The following COL2A1 variants were observed in gnomAD, a reference collection of about 807,000 sequenced individuals.
The protein encoded by COL2A1 is collagen alpha-1(II) chain.
A neutral mutation model predicts 204.5 loss-of-function variants in COL2A1; 28 were observed. That is an observed-to-expected ratio of 0.14 (90% CI 0.10 to 0.19). The LOEUF (loss-of-function observed/expected upper bound fraction) is 0.19, where lower values mean the gene tolerates loss of function less well. Ranked by LOEUF, COL2A1 falls within the 10% of genes least tolerant of loss-of-function variation. COL2A1 has a pLI of 1.00. For synonymous variants in COL2A1, 708 were observed against 718.7 expected (o/e 0.99, Z 0.24); for missense variants, 1,388 against 2,027.5 (o/e 0.68, Z 6.06).
chr12:47,998,390 A>C, intron 3 of COL2A1, 25 bp downstream of exon 3: 1 of 1,588,500 alleles, frequency 6.3e-7, no homozygotes, highest in Non-Finnish European at 8.6e-7. Flanking sequence ...AAAATATGAA[A>C]AAAGAAAAAG....
At position 47,995,284 on chromosome 12, in the gene COL2A1, G is replaced by A. The variant is rs1333696091; in HGVS notation, c.733C>T (p.Pro245Ser). 6.2e-7 allele frequency: 1 copy of A among 1,613,766 alleles called. No homozygotes were observed. ...TCACCAGGCTTTCCAGGGGGACCAG[G>A]AGGACCACGGGGACCCATGGGACCC... ...VSGPMGPRGP[P>S]GPPGKPGDDG... The change falls in exon 11 of 54, where the codon CCT (proline) becomes TCT (serine). Residue 245 changes from proline (P) to serine (S), a missense_variant. By Grantham distance (74) the Pro-to-Ser change is moderately conservative. Coordinates refer to ENST00000380518, the MANE Select transcript of COL2A1 (RefSeq NM_001844.5).
intron 27 of COL2A1, 68 bp from the exon 28 acceptor site, chr12:47,984,667 G>T (rs1174286996): frequency 9.0e-6 from 13 of 1,451,976 alleles, no homozygotes; most frequent in African/African-American, 1.4e-5. Flanking sequence ...AGAGCGGGCT[G>T]CAGGGACTGA....
chr12:47,974,955 G>GC, intron 51 of COL2A1, 93 bp from the exon 52 acceptor site: 1 of 1,316,084 alleles, frequency 7.6e-7, no homozygotes, highest in African/African-American at 1.5e-5. Flanking sequence ...AGACAGAGAG[G>GC]CCTACAGGGA....
chr12:47,986,123 C>A (rs1167068902), intron 23 of COL2A1, among the ~76,000 whole-genome samples, 158 bp from the exon 24 acceptor site: 3 of 150,348 alleles, frequency 2.0e-5, no homozygotes, highest in Non-Finnish European at 4.4e-5. Context: ...GCCTGCCCCG[C>A]TTCCTGGGAA....
upstream of COL2A1, chr12:48,004,484 C>T: frequency 1.8e-6 from 1 of 545,352 alleles, no homozygotes; most frequent in South Asian, 2.3e-5. Flanking sequence ...TGCGTCTTCT[C>T]CCCGCCGCGG....
In COL2A1 at chr12:47,973,363, C is replaced by CCTT. The variant is rs773726072; in HGVS notation, c.*41_*43dup. 21 of 1,613,630 alleles carry CCTT rather than the reference C, an allele frequency of 1.3e-5. No individual in the cohort carries two copies. Among genetic ancestry groups the CCTT allele is most frequent in the Non-Finnish European group, 1.8e-5 (21 of 1,179,736 alleles). On this transcript the variant is annotated 3_prime_UTR_variant, in exon 54 of 54. Transcript: ENST00000380518. Reference sequence around the variant, plus strand: ...GACTGAGATTGGAAAGTACTTGGGTCCTTTGGGTTTGCAACGGATTGTGTT... The same window carrying CCTT: ...GACTGAGATTGGAAAGTACTTGGGTCCTTCTTTGGGTTTGCAACGGATTGTGTT...
intron 26 of COL2A1, 71 bp from the exon 27 acceptor site, chr12:47,985,164 G>A (rs1939324479): frequency 1.6e-6 from 2 of 1,256,566 alleles, no homozygotes; most frequent in South Asian, 1.2e-5. Flanking sequence ...ATCCACTAAG[G>A]GCCTACATGG....
Position 47,976,136 on chromosome 12 carries a change from C to T in COL2A1, c.3490-66G>A, listed in dbSNP as rs574505074. On this transcript the variant is annotated intron_variant, in intron 49 of 53. Transcript: ENST00000380518. The surrounding 1 kb of genome is among the most constrained non-coding windows in gnomAD (Gnocchi z 4.3). ...AGGGAAGGCTGGGGAGTCGCTGGGG[C>T]TGGGTAGGTGGCTGTCCTGATAGCA... is the stretch of plus-strand genomic sequence containing the variant. 1.8e-4 allele frequency: 215 copies of T among 1,180,072 alleles called. 1 individual carries two copies. In the African/African-American group the frequency reaches 3.0e-3, roughly 17 times the overall value. 73.1% of individuals were successfully genotyped at this position (1,180,072 alleles called of 1,614,324 possible).
chr12:47,995,966 G>A (rs1463704701), intron 8 of COL2A1, 47 bp from the exon 9 acceptor site: 16 of 1,472,872 alleles, frequency 1.1e-5, no homozygotes, highest in Non-Finnish European at 1.4e-5. Flanking sequence ...TGCTTCCTCA[G>A]TGGCCTCCAG....
rs121912884 is a variant in COL2A1, at chr12:47,985,575, G to A, written c.1693C>T (p.Arg565Cys). 1 of 1,614,034 alleles carries A rather than the reference G, an allele frequency of 6.2e-7. No homozygotes were observed. Among genetic ancestry groups the A allele is most frequent in the Admixed American group, 1.7e-5 (1 of 60,010 alleles). ...GLPGARGLTG[R>C]PGDAGPQGKV... is the part of the protein sequence containing the mutation. Reference sequence around the variant, plus strand: ...CCTTGAGGACCAGCATCACCAGGGCGGCCAGTGAGACCCTTTGTTCAGGAG... The same window carrying A: ...CCTTGAGGACCAGCATCACCAGGGCAGCCAGTGAGACCCTTTGTTCAGGAG... The change falls in exon 26 of 54, where the codon CGC becomes TGC. Residue 565 changes from arginine to cysteine, a missense_variant. Physicochemically the swap from Arg to Cys is radical, Grantham distance 180 (BLOSUM62 -3). This residue lies in a region of COL2A1 where 884 missense variants were observed against 1,415.8 expected (regional missense o/e 0.62). Coordinates refer to ENST00000380518, the MANE Select transcript of COL2A1 (RefSeq NM_001844.5).
intron 27 of COL2A1, 80 bp from the exon 28 acceptor site, chr12:47,984,679 G>T: frequency 7.5e-7 from 1 of 1,328,916 alleles, no homozygotes; most frequent in Non-Finnish European, 1.1e-6. Context: ...AGGGACTGAG[G>T]CCTGGGGCCA....
rs1288854292 is a variant in COL2A1 at position 47,978,051 on chromosome 12, G to T, written c.3070C>A (p.Pro1024Thr). The change falls in exon 44 of 54, where the codon CCT becomes ACT. Residue 1024 changes from proline (P) to threonine (T), a missense_variant. Around this residue, in one of 3 missense-constraint regions of COL2A1, gnomAD observed 884 missense variants for 1,415.8 expected, o/e 0.62. Transcript: ENST00000380518. This position sits in a 1 kb window ranked among gnomAD's most constrained non-coding sequence, Gnocchi z 5.5. ...GDRGPPGPVG[P>T]PGLTGPAGEP... ...CCTGCAGGACCCGTCAGGCCAGGAG[G>T]ACCCACGGGGCCAGGAGGACCTCTG... 6.2e-7 allele frequency: 1 copy of T among 1,613,812 alleles called. No individual in the cohort carries two copies. The highest frequency in any genetic ancestry group is 8.5e-7 in the Non-Finnish European group (1 of 1,180,020).
chr12:47,980,637 T>C lies in COL2A1; in HGVS notation c.2542A>G (p.Lys848Glu). 6.2e-7 allele frequency: 1 copy of C among 1,612,142 alleles called. No homozygotes were observed. The highest frequency in any genetic ancestry group is 8.5e-7 in the Non-Finnish European group (1 of 1,179,356). ...PPGADGQPGA[K>E]GEQGEAGQKG... is the part of the protein sequence containing the mutation. ...TGGCCGGCCTCTCCTTGCTCACCCT[T>C]GGCCCCAGGCTGGCCATCAGCACCC... Residue 848 changes from lysine to glutamate, a missense_variant, in exon 39 of 54, where the codon AAG becomes GAG. By Grantham distance (56) the Lys-to-Glu change is moderately conservative. Around this residue, in one of 3 missense-constraint regions of COL2A1, gnomAD observed 884 missense variants for 1,415.8 expected, o/e 0.62. Coordinates refer to ENST00000380518, the MANE Select transcript of COL2A1 (RefSeq NM_001844.5). This position sits in a 1 kb window ranked among gnomAD's most constrained non-coding sequence, Gnocchi z 4.5.
rs554943895 is a variant in COL2A1 at position 47,986,216 on chromosome 12, G to A, written c.1527+120C>T. 5.0e-5 allele frequency: 40 copies of A among 796,180 alleles called. 1 individual carries two copies. The Middle Eastern group carries it at 1.6e-3, about 31-fold the overall frequency. 49.3% of individuals were successfully genotyped at this position (796,180 alleles called of 1,614,324 possible). On this transcript the variant is annotated intron_variant, in intron 23 of 53. Transcript: ENST00000380518. ...TCCCTCTCCCCGCGGTGTGGATGGA[G>A]AAAGAGGAGGATGACATGCGGAAAA...
Position 47,987,306 on chromosome 12 carries a change from G to A in COL2A1, c.1229C>T (p.Pro410Leu), listed in dbSNP as rs773291252. The change falls in exon 20 of 54, where the codon CCT becomes CTT. Residue 410 changes from proline to leucine, a missense_variant. Transcript: ENST00000380518. The surrounding 1 kb of genome is among the most constrained non-coding windows in gnomAD (Gnocchi z 4.1). ...GGCTCCAGGAATTCCATCTGTTCCAGGGTTACCCTGAAAAGGGAGACATTG... is the reference window on the plus strand; with the variant it reads ...GGCTCCAGGAATTCCATCTGTTCCAAGGTTACCCTGAAAAGGGAGACATTG... ...SPGPAGASGNPGTDGIPGAKG... is the reference protein window; with the variant it reads ...SPGPAGASGNLGTDGIPGAKG... 1 of 1,614,130 alleles carries A rather than the reference G, an allele frequency of 6.2e-7. No homozygotes were observed. Among genetic ancestry groups the A allele is most frequent in the Non-Finnish European group, 8.5e-7 (1 of 1,179,996 alleles).
chr12:47,996,394 A>T (rs1939962224), intron 8 of COL2A1, among the ~76,000 whole-genome samples, 154 bp downstream of exon 8: 1 of 152,196 alleles, frequency 6.6e-6, no homozygotes, highest in African/African-American at 2.4e-5. Flanking sequence ...ATTAAAAACC[A>T]AATGCTTTGG....
rs1447011592 is a variant in COL2A1 at position 47,973,010 on chromosome 12, T to C, written c.*397A>G. On this transcript the variant is annotated 3_prime_UTR_variant, in exon 54 of 54. Transcript: ENST00000380518. ...TCATTTTTAATATCAATTGATGTTT[T>C]AAAAAATACAGAGGTGTTTGACACA... The C allele has an allele frequency of 2.0e-6, 1 of 501,492 alleles. No individual in the cohort carries two copies. The highest frequency in any genetic ancestry group is 3.5e-6 in the Non-Finnish European group (1 of 286,540). The allele number at this position is 501,492 out of a possible 1,614,324, so 31.1% of individuals were successfully genotyped here.
rs543974366 is a variant in COL2A1 at position 47,992,548 on chromosome 12, G to A, written c.1023+330C>T. 2.6e-5 allele frequency among the ~76,000 whole-genome samples: 4 copies of A among 152,286 alleles called. No individual in the cohort carries two copies. The South Asian group carries it at 6.2e-4, about 24-fold the overall frequency. The stretch of plus-strand genomic sequence containing the variant: ...GAGCAACCAGGAAGAACAGAGAGTA[G>A]CACGGTGGTGCTATAGCCAGCTAAG... On this transcript the variant is annotated intron_variant, in intron 16 of 53. Coordinates refer to ENST00000380518, the MANE Select transcript of COL2A1 (RefSeq NM_001844.5).
At chr12:47,993,396 T>G in intron 15 of COL2A1, 62 bp downstream of exon 15, 1 of 1,266,580 alleles carries the variant, frequency 7.9e-7, no homozygotes, top group Non-Finnish European at 1.2e-6. Flanking sequence ...GGGAGCTCTT[T>G]GCAGCCATCT....
Sources: allele counts gnomAD v4.1 joint callset (sites outside exome capture counted in the v4.1 genomes callset), GRCh38; gene constraint gnomAD v4.1.1; regional missense constraint gnomAD v4.1.1; non-coding constraint Gnocchi (gnomAD v3.1); transcripts MANE v1.5; gene names NCBI Gene and HGNC (gene_info 2026-07-23, HGNC 2026-07-21).